Variants in C8orf48 observed in about 807,000 individuals in gnomAD.
The protein encoded by C8orf48 is chromosome 8 open reading frame 48, also known as uncharacterized protein C8orf48.
For synonymous variants in C8orf48, 188 were observed against 138.2 expected, an observed-to-expected ratio of 1.36 and a Z score of -2.53; for missense variants, 580 against 363.3, an observed-to-expected ratio of 1.60 and a Z score of -4.85.
chr8:13,567,194 A>G lies in C8orf48; in HGVS notation c.203A>G (p.Asp68Gly). ...EKQTPSLEQGDTQSELLDYKN... is the reference protein window; with the variant it reads ...EKQTPSLEQGGTQSELLDYKN... ...CAGACTCCAAGCTTGGAACAAGGAG[A>G]CACACAATCTGAGCTTTTGGACTAT... Residue 68 changes from aspartate to glycine, a missense_variant, in exon 1 of 1, where the codon GAC (aspartate) becomes GGC (glycine). Transcript: ENST00000297324. 1.3e-6 allele frequency: 2 copies of G among 1,551,814 alleles called. No homozygotes were observed. The highest frequency in any genetic ancestry group is 8.7e-7 in the Non-Finnish European group (1 of 1,147,018).
rs1216975451 is a variant in C8orf48, at chr8:13,566,921, G to T, written c.-71G>T. 1.5e-5 allele frequency: 22 copies of T among 1,461,718 alleles called. No individual in the cohort carries two copies. In the East Asian group the frequency reaches 5.2e-4, roughly 35 times the overall value. 90.5% of individuals were successfully genotyped at this position (1,461,718 alleles called of 1,614,324 possible). On this transcript the variant is annotated 5_prime_UTR_variant, in exon 1 of 1. Transcript: ENST00000297324. The stretch of plus-strand genomic sequence containing the variant: ...TTGAGATCCATTCCCGGAGGGGTCA[G>T]CTCCTGACGGGTTCCTGAGCCAGTC...
rs1315325655 is a variant in C8orf48, at chr8:13,566,879, C to T, written c.-113C>T. ...GAAGGCGTCTCCCGGAAGACGACCT[C>T]CGCAGAGCTGATGGCATTGAGATCC... is the stretch of plus-strand genomic sequence containing the variant. On this transcript the variant is annotated 5_prime_UTR_variant, in exon 1 of 1. Transcript: ENST00000297324. The T allele has an allele frequency of 2.9e-6, 4 of 1,367,074 alleles. No homozygotes were observed. The highest frequency in any genetic ancestry group is 3.2e-5 in the South Asian group (2 of 62,714). The allele number at this position is 1,367,074 out of a possible 1,614,324, so 84.7% of individuals were successfully genotyped here.
At chr8:13,567,724 G>T in the C8orf48 span, 1 of 1,552,036 alleles carries the variant, frequency 6.4e-7, no homozygotes, top group Admixed American at 2.0e-5. Flanking sequence ...CACCCGTATT[G>T]GAGAAGCACA....
In C8orf48 at chr8:13,567,908, C is replaced by A; in HGVS notation, c.917C>A (p.Thr306Asn). ...PFSLPFLKRL[T>N]LIKPELVIVN... is the part of the protein sequence containing the mutation. ...TCTCTGCCATTTCTCAAGCGACTTA[C>A]TCTAATCAAACCAGAGCTGGTGATT... The change falls in exon 1 of 1, where the codon ACT (threonine) becomes AAT (asparagine). Residue 306 changes from threonine (T) to asparagine (N), a missense_variant. Thr to Asn is a moderately conservative substitution (Grantham distance 65, BLOSUM62 0). Coordinates refer to ENST00000297324, the MANE Select transcript of C8orf48 (RefSeq NM_001007090.3). The A allele has an allele frequency of 6.4e-7, 1 of 1,551,860 alleles. No individual in the cohort carries two copies. Among genetic ancestry groups the A allele is most frequent in the Non-Finnish European group, 8.7e-7 (1 of 1,146,890 alleles).
Position 13,567,289 on chromosome 8 carries a change from C to T in C8orf48, c.298C>T (p.Arg100Trp), listed in dbSNP as rs767181685. ...YLKLKDSNFE[R>W]HQPDTKLPTE... is the part of the protein sequence containing the mutation. Reference sequence around the variant, plus strand: ...CAAGCTCAAAGACTCTAACTTTGAACGGCACCAACCAGACACCAAACTTCC... The same window carrying T: ...CAAGCTCAAAGACTCTAACTTTGAATGGCACCAACCAGACACCAAACTTCC... The change falls in exon 1 of 1, where the codon CGG becomes TGG. Residue 100 changes from arginine to tryptophan, a missense_variant. Arg to Trp is a moderately radical substitution (Grantham distance 101). Coordinates refer to ENST00000297324, the MANE Select transcript of C8orf48 (RefSeq NM_001007090.3). The T allele has an allele frequency of 6.7e-5, 104 of 1,551,576 alleles. No individual in the cohort carries two copies. The highest frequency in any genetic ancestry group is 1.7e-4 in the Middle Eastern group (1 of 6,012).
Position 13,567,976 on chromosome 8 carries a change from A to T in C8orf48, c.*25A>T. On this transcript the variant is annotated 3_prime_UTR_variant, in exon 1 of 1. Coordinates refer to ENST00000297324, the MANE Select transcript of C8orf48 (RefSeq NM_001007090.3). ...ATGTGGATAGATGTCTTTGTTGTGT[A>T]TTTGAGTAATTACCATAATTTCTAC... is the stretch of plus-strand genomic sequence containing the variant. The T allele has an allele frequency of 6.7e-7, 1 of 1,495,082 alleles. No homozygotes were observed. The highest frequency in any genetic ancestry group is 8.9e-7 in the Non-Finnish European group (1 of 1,122,314). 92.6% of individuals were successfully genotyped at this position (1,495,082 alleles called of 1,614,324 possible). A position where few individuals can be genotyped will look rare whatever the true frequency, so the allele number is the denominator to read the frequency against.
chr8:13,568,064 A>G lies in C8orf48; in HGVS notation c.*113A>G, dbSNP rs1804518286. 6 of 1,204,112 alleles carry G rather than the reference A, an allele frequency of 5.0e-6. No homozygotes were observed. Among genetic ancestry groups the G allele is most frequent in the Non-Finnish European group, 6.8e-6 (6 of 882,666 alleles). The allele number at this position is 1,204,112 out of a possible 1,614,324, so 74.6% of individuals were successfully genotyped here. A position where few individuals can be genotyped will look rare whatever the true frequency, so the allele number is the denominator to read the frequency against. Reference sequence around the variant, plus strand: ...TCCTTCACAGATTTGAGGACTAAGAACTTTCACTTTTTTTTTCCTATTATA... The same window carrying G: ...TCCTTCACAGATTTGAGGACTAAGAGCTTTCACTTTTTTTTTCCTATTATA... On this transcript the variant is annotated 3_prime_UTR_variant, in exon 1 of 1. Coordinates refer to ENST00000297324, the MANE Select transcript of C8orf48 (RefSeq NM_001007090.3).
In C8orf48 at chr8:13,566,975, G is replaced by C. The variant is rs1429012885; in HGVS notation, c.-17G>C. The C allele has an allele frequency of 1.3e-6, 2 of 1,529,864 alleles. No homozygotes were observed. Among genetic ancestry groups the C allele is most frequent in the Non-Finnish European group, 8.8e-7 (1 of 1,135,220 alleles). 94.8% of individuals were successfully genotyped at this position (1,529,864 alleles called of 1,614,324 possible). On this transcript the variant is annotated 5_prime_UTR_variant, in exon 1 of 1. Transcript: ENST00000297324. ...ACCTGGGCAAAGGAGATGAGGAGCCGAGCCTGATGCATTGTGATGGCCATC... is the reference window on the plus strand; with the variant it reads ...ACCTGGGCAAAGGAGATGAGGAGCCCAGCCTGATGCATTGTGATGGCCATC...
Position 13,566,879 on chromosome 8 carries a change from C to G in C8orf48, c.-113C>G, listed in dbSNP as rs1315325655. 4 of 1,366,954 alleles carry G rather than the reference C, an allele frequency of 2.9e-6. No individual in the cohort carries two copies. In the African/African-American group the frequency reaches 5.9e-5, roughly 20 times the overall value. 84.7% of individuals were successfully genotyped at this position (1,366,954 alleles called of 1,614,324 possible). ...GAAGGCGTCTCCCGGAAGACGACCTCCGCAGAGCTGATGGCATTGAGATCC... is the reference window on the plus strand; with the variant it reads ...GAAGGCGTCTCCCGGAAGACGACCTGCGCAGAGCTGATGGCATTGAGATCC... On this transcript the variant is annotated 5_prime_UTR_variant, in exon 1 of 1. Transcript: ENST00000297324.
In C8orf48 at chr8:13,566,989, G is replaced by C; in HGVS notation, c.-3G>C. On this transcript the variant is annotated 5_prime_UTR_variant, in exon 1 of 1. Coordinates refer to ENST00000297324, the MANE Select transcript of C8orf48 (RefSeq NM_001007090.3). ...GATGAGGAGCCGAGCCTGATGCATTGTGATGGCCATCTGCCCAGAATTGGC... is the reference window on the plus strand; with the variant it reads ...GATGAGGAGCCGAGCCTGATGCATTCTGATGGCCATCTGCCCAGAATTGGC... The C allele has an allele frequency of 1.9e-6, 3 of 1,541,918 alleles. No homozygotes were observed. The highest frequency in any genetic ancestry group is 2.6e-6 in the Non-Finnish European group (3 of 1,140,994).
rs577627190 is a variant in C8orf48, at chr8:13,567,049, G to C, written c.58G>C (p.Asp20His). The stretch of plus-strand genomic sequence containing the variant: ...CAAAAGTGCTCTTGCAAACCTTTCT[G>C]ATGAGACTGAGACTTTGAAGAACTC... ...TDKSALANLS[D>H]ETETLKNSTD... is the part of the protein sequence containing the mutation. Residue 20 changes from aspartate to histidine, a missense_variant, in exon 1 of 1, where the codon GAT (aspartate) becomes CAT (histidine). Coordinates refer to ENST00000297324, the MANE Select transcript of C8orf48 (RefSeq NM_001007090.3). The C allele has an allele frequency of 6.4e-7, 1 of 1,551,718 alleles. No homozygotes were observed. The highest frequency in any genetic ancestry group is 1.2e-5 in the South Asian group (1 of 84,050).
In C8orf48 at chr8:13,566,894, C is replaced by T. The variant is rs1003306976; in HGVS notation, c.-98C>T. ...AAGACGACCTCCGCAGAGCTGATGG[C>T]ATTGAGATCCATTCCCGGAGGGGTC... On this transcript the variant is annotated 5_prime_UTR_variant, in exon 1 of 1. Coordinates refer to ENST00000297324, the MANE Select transcript of C8orf48 (RefSeq NM_001007090.3). 2.8e-6 allele frequency: 4 copies of T among 1,403,842 alleles called. No individual in the cohort carries two copies. The highest frequency in any genetic ancestry group is 2.9e-5 in the African/African-American group (2 of 68,822). The allele number at this position is 1,403,842 out of a possible 1,614,324, so 87.0% of individuals were successfully genotyped here. A position where few individuals can be genotyped will look rare whatever the true frequency, so the allele number is the denominator to read the frequency against.
Position 13,567,095 on chromosome 8 carries a change from C to A in C8orf48, c.104C>A (p.Ser35Tyr). The A allele has an allele frequency of 6.4e-7, 1 of 1,551,752 alleles. No homozygotes were observed. The highest frequency in any genetic ancestry group is 8.7e-7 in the Non-Finnish European group (1 of 1,147,004). The change falls in exon 1 of 1, where the codon TCC becomes TAC. Residue 35 changes from serine to tyrosine, a missense_variant. Coordinates refer to ENST00000297324, the MANE Select transcript of C8orf48 (RefSeq NM_001007090.3). The part of the protein sequence containing the change: ...LKNSTDEVQT[S>Y]SSFSSSGGRQ... ...AACTCTACTGATGAGGTACAGACTT[C>A]CAGCTCATTCAGCTCCTCTGGAGGA...
In C8orf48 at chr8:13,567,871, C is replaced by T. The variant is rs542176418; in HGVS notation, c.880C>T (p.His294Tyr). 4.5e-6 allele frequency: 7 copies of T among 1,551,886 alleles called. No individual in the cohort carries two copies. The highest frequency in any genetic ancestry group is 2.0e-5 in the Admixed American group (1 of 51,008). ...GCAGCGAGATGGAAATAGTGCTTGT[C>T]ATTTACCATTTTCTCTGCCATTTCT... Reference protein sequence around the residue: ...KLQRDGNSACHLPFSLPFLKR... With the variant: ...KLQRDGNSACYLPFSLPFLKR... The change falls in exon 1 of 1, where the codon CAT (histidine) becomes TAT (tyrosine). Residue 294 changes from histidine to tyrosine, a missense_variant. By Grantham distance (83) the His-to-Tyr change is moderately conservative (BLOSUM62 2). Transcript: ENST00000297324.
Position 13,567,018 on chromosome 8 carries a change from A to G in C8orf48, c.27A>G (p.Gln9=), listed in dbSNP as rs532978997. Residue 9 remains glutamine, a synonymous_variant, in exon 1 of 1, where the codon CAA becomes CAG. Coordinates refer to ENST00000297324, the MANE Select transcript of C8orf48 (RefSeq NM_001007090.3). MAICPELA[Q]TDKSALANLS... is the part of the protein sequence containing the mutation. Reference sequence around the variant, plus strand: ...TGGCCATCTGCCCAGAATTGGCCCAAACGGACAAAAGTGCTCTTGCAAACC... The same window carrying G: ...TGGCCATCTGCCCAGAATTGGCCCAGACGGACAAAAGTGCTCTTGCAAACC... The G allele has an allele frequency of 6.4e-7, 1 of 1,550,662 alleles. No homozygotes were observed. The highest frequency in any genetic ancestry group is 1.4e-5 in the African/African-American group (1 of 73,148).
chr8:13,567,334 T>G lies in C8orf48; in HGVS notation c.343T>G (p.Ser115Ala). ...TKLPTEITRV[S>A]DEELNALQSY... The stretch of plus-strand genomic sequence containing the variant: ...ACTTCCAACAGAAATCACTCGGGTA[T>G]CAGATGAAGAATTGAATGCCCTGCA... The change falls in exon 1 of 1, where the codon TCA (serine) becomes GCA (alanine). Residue 115 changes from serine (S) to alanine (A), a missense_variant. Coordinates refer to ENST00000297324, the MANE Select transcript of C8orf48 (RefSeq NM_001007090.3). 1 of 1,551,640 alleles carries G rather than the reference T, an allele frequency of 6.4e-7. No individual in the cohort carries two copies.
chr8:13,567,658 G>A lies in C8orf48; in HGVS notation c.667G>A (p.Glu223Lys). 2 of 1,551,806 alleles carry A rather than the reference G, an allele frequency of 1.3e-6. No homozygotes were observed. Among genetic ancestry groups the A allele is most frequent in the South Asian group, 1.2e-5 (1 of 84,058 alleles). Residue 223 changes from glutamate (E) to lysine (K), a missense_variant, in exon 1 of 1, where the codon GAG becomes AAG. Physicochemically the swap from Glu to Lys is moderately conservative, Grantham distance 56. Transcript: ENST00000297324. ...AFLKQKKTLL[E>K]SFLLQERIDE... Reference sequence around the variant, plus strand: ...TCTGAAACAAAAGAAGACTTTACTGGAGTCATTTCTACTCCAAGAGAGAAT... The same window carrying A: ...TCTGAAACAAAAGAAGACTTTACTGAAGTCATTTCTACTCCAAGAGAGAAT...
In C8orf48 at chr8:13,567,558, A is replaced by C. The variant is rs755261431; in HGVS notation, c.567A>C (p.Ala189=). 231 of 1,551,700 alleles carry C rather than the reference A, an allele frequency of 1.5e-4. No individual in the cohort carries two copies. The highest frequency in any genetic ancestry group is 2.4e-4 in the Admixed American group (12 of 50,996). The change falls in exon 1 of 1, where the codon GCA becomes GCC. Residue 189 remains alanine, a synonymous_variant. Transcript: ENST00000297324. ...KNMRTTPKQE[A]AAKQHISYQC... The stretch of plus-strand genomic sequence containing the variant: ...TGAGGACAACGCCAAAACAGGAGGC[A>C]GCAGCTAAGCAACACATATCTTATC...
chr8:13,567,621 C>T lies in C8orf48; in HGVS notation c.630C>T (p.Ala210=), dbSNP rs1156837214. The part of the protein sequence containing the change: ...PYCNRKRAEL[A]LSAFLKQKKT... ...GTAACAGGAAAAGAGCGGAGCTGGC[C>T]CTGTCTGCCTTTCTGAAACAAAAGA... is the stretch of plus-strand genomic sequence containing the variant. Residue 210 remains alanine, a synonymous_variant, in exon 1 of 1, where the codon GCC becomes GCT. Coordinates refer to ENST00000297324, the MANE Select transcript of C8orf48 (RefSeq NM_001007090.3). 2 of 1,551,538 alleles carry T rather than the reference C, an allele frequency of 1.3e-6. No homozygotes were observed. The highest frequency in any genetic ancestry group is 4.9e-5 in the East Asian group (2 of 40,928).
Sources: gnomAD v4.1 joint callset for allele counts on GRCh38, gnomAD v4.1.1 for gene constraint, MANE v1.5 for transcripts, NCBI Gene and HGNC (gene_info 2026-07-23, HGNC 2026-07-21) for gene names.